DMC1: variants seen among roughly 807,000 people sequenced by gnomAD.
The protein encoded by DMC1 is meiotic recombination protein DMC1 homolog.
In DMC1, 27 loss-of-function variants were observed where a neutral mutation model predicts 50.1. The ratio of observed to expected loss-of-function variants is 0.54; its 90% CI spans 0.40 to 0.74. The LOEUF is 0.74. Among genes scored for constraint, DMC1 ranks in the 30% least tolerant of loss-of-function variants. The pLI, the probability that DMC1 is intolerant of heterozygous loss-of-function variation, is 0.00. For missense variants in DMC1, 295 were observed against 420.2 expected (o/e 0.70, Z 2.60); for synonymous variants, 148 against 136.1 (o/e 1.09, Z -0.61).
chr22:38,521,840 C>G, intron 12 of DMC1, 116 bp from the exon 13 acceptor site: 1 of 803,424 alleles, frequency 1.2e-6, no homozygotes, highest in Middle Eastern at 2.6e-4. Flanking sequence ...AGTGTATATT[C>G]TAAACAAGCA....
At position 38,521,257 on chromosome 22, in the gene DMC1, T is replaced by C. The variant is rs11570432; in HGVS notation, c.953+351A>G. Among the ~76,000 whole-genome samples, 268 of 152,262 alleles carry C rather than the reference T, an allele frequency of 1.8e-3. 1 individual carries two copies. The highest frequency in any genetic ancestry group is 9.1e-3 in the South Asian group (44 of 4,822). On this transcript the variant is annotated intron_variant, in intron 13 of 13. Transcript: ENST00000216024. ...GTATTTAACACAATTTAATTGGAAT[T>C]GATGATTTCATTATCTAGGTGTATG...
intron 11 of DMC1, 108 bp from the exon 12 acceptor site, chr22:38,537,760 T>C: frequency 1.3e-6 from 1 of 760,660 alleles, no homozygotes; most frequent in Non-Finnish European, 2.3e-6. Flanking sequence ...GAATTTATTT[T>C]ATAAATAACA....
intron 2 of DMC1, 22 bp downstream of exon 2, chr22:38,568,184 T>A (rs1569173587): frequency 6.2e-7 from 1 of 1,610,470 alleles, no homozygotes; most frequent in East Asian, 2.2e-5. Flanking sequence ...TGTCTATATA[T>A]CTTTCAACAT....
rs867267644 is a variant in DMC1 at position 38,538,355 on chromosome 22, A to G, written c.715T>C (p.Leu239=). 6.2e-7 allele frequency: 1 copy of G among 1,614,054 alleles called. No individual in the cohort carries two copies. Among genetic ancestry groups the G allele is most frequent in the Non-Finnish European group, 8.5e-7 (1 of 1,180,016 alleles). ...FRVDFSGRGE[L]AERQQKLAQM... ...GCCAATTTTTGCTGCCGTTCGGCCA[A>G]CTCCCCACGGCCACTGAAATCCACT... Residue 239 remains leucine, a synonymous_variant, in exon 11 of 14, where the codon TTG becomes CTG. Coordinates refer to ENST00000216024, the MANE Select transcript of DMC1 (RefSeq NM_007068.4).
At chr22:38,550,461 G>C (rs2090391712) in intron 7 of DMC1, among the ~76,000 whole-genome samples, 2 of 150,582 alleles carry the variant, frequency 1.3e-5, no homozygotes, top group Admixed American at 6.6e-5. Flanking sequence ...CTACAGGCAG[G>C]CACTGCCACA....
intron 6 of DMC1, among the ~76,000 whole-genome samples, chr22:38,554,224 A>G (rs554740317): frequency 7.2e-5 from 11 of 152,116 alleles, no homozygotes; most frequent in Non-Finnish European, 1.3e-4. Flanking sequence ...CTTAAAGGGG[A>G]GCTGAAGTAG....
At chr22:38,549,074 G>C (rs1276559911) in intron 8 of DMC1, among the ~76,000 whole-genome samples, 4 of 151,888 alleles carry the variant, frequency 2.6e-5, no homozygotes, top group Non-Finnish European at 5.9e-5. Context: ...ATTCTTACCA[G>C]TTCCAACCTA....
chr22:38,568,530 G>A, intron 1 of DMC1: 1 of 505,878 alleles, frequency 2.0e-6, no homozygotes, highest in Non-Finnish European at 3.5e-6. Flanking sequence ...ATTGGGGGGT[G>A]CTTATTTAGT....
At chr22:38,518,420 GTTTA>G (rs2089991035), downstream of DMC1, among the ~76,000 whole-genome samples, 1 of 152,168 alleles carries the variant, frequency 6.6e-6, no homozygotes, top group South Asian at 2.1e-4. Flanking sequence ...CATTTTCCTT[GTTTA>G]TTCTTTAGCG....
At chr22:38,534,090 A>T (rs1348889469) in intron 12 of DMC1, among the ~76,000 whole-genome samples, 1 of 152,236 alleles carries the variant, frequency 6.6e-6, no homozygotes, top group Non-Finnish European at 1.5e-5. Context: ...TTCTGATTAA[A>T]GGAGACTAAA....
At chr22:38,562,798 C>G (rs935989687) in intron 4 of DMC1, among the ~76,000 whole-genome samples, 1 of 151,744 alleles carries the variant, frequency 6.6e-6, no homozygotes, top group African/African-American at 2.4e-5. Flanking sequence ...TACATATATA[C>G]ACATATACAT....
Position 38,521,571 on chromosome 22 carries a change from ACACACACACACACACAC to A in DMC1, c.953+20_953+36del. The A allele has an allele frequency of 8.1e-7, 1 of 1,230,172 alleles. No individual in the cohort carries two copies. Among genetic ancestry groups the A allele is most frequent in the Middle Eastern group, 2.0e-4 (1 of 4,954 alleles). The allele number at this position is 1,230,172 out of a possible 1,614,324, so 76.2% of individuals were successfully genotyped here. ...CACACACACACACACACACACACACACACACACACACACACACAAAATAAAAAAAAATTTACCTGTCA... is the reference window on the plus strand; with the variant it reads ...CACACACACACACACACACACACACAAAAATAAAAAAAAATTTACCTGTCA... On this transcript the variant is annotated intron_variant, in intron 13 of 13. Coordinates refer to ENST00000216024, the MANE Select transcript of DMC1 (RefSeq NM_007068.4).
chr22:38,522,248 G>A (rs1261485636), intron 12 of DMC1, among the ~76,000 whole-genome samples: 1 of 149,920 alleles, frequency 6.7e-6, no homozygotes, highest in East Asian at 2.1e-4. Flanking sequence ...ACTGTGCCCA[G>A]CCTGACTTTA....
downstream of DMC1, among the ~76,000 whole-genome samples, chr22:38,516,829 CTTTA>C (rs1428129884): frequency 6.6e-6 from 1 of 151,958 alleles, no homozygotes; most frequent in Non-Finnish European, 1.5e-5. Flanking sequence ...TTTTCTTTTT[CTTTA>C]TTTTTCTTTT....
chr22:38,517,919 C>G (rs1374315370), downstream of DMC1, among the ~76,000 whole-genome samples: 2 of 152,052 alleles, frequency 1.3e-5, no homozygotes. Context: ...ATCCCAGCTC[C>G]TATACCTTTG....
intron 12 of DMC1, among the ~76,000 whole-genome samples, chr22:38,534,865 G>T (rs1475528926): frequency 6.7e-6 from 1 of 149,052 alleles, no homozygotes; most frequent in Admixed American, 6.7e-5. Flanking sequence ...ATTAGCCAGG[G>T]GTGGTTGGCA....
At chr22:38,567,969 C>A (rs1479197741) in intron 2 of DMC1, among the ~76,000 whole-genome samples, 1 of 152,240 alleles carries the variant, frequency 6.6e-6, no homozygotes, top group Non-Finnish European at 1.5e-5. Context: ...CTATTCGGTA[C>A]CCGTGTGTGT....
chr22:38,557,713 A>G (rs2090481991), intron 5 of DMC1, among the ~76,000 whole-genome samples: 1 of 152,122 alleles, frequency 6.6e-6, no homozygotes, highest in Non-Finnish European at 1.5e-5. Context: ...TAACCTGTGC[A>G]TATTTGCTAT....
intron 12 of DMC1, among the ~76,000 whole-genome samples, chr22:38,528,186 C>T (rs2090115178): frequency 6.6e-6 from 1 of 151,550 alleles, no homozygotes; most frequent in Non-Finnish European, 1.5e-5. Flanking sequence ...CTCAGCCTCC[C>T]GAGTAGCTGG....
Sources: allele counts gnomAD v4.1 joint callset (sites outside exome capture counted in the v4.1 genomes callset), GRCh38; gene constraint gnomAD v4.1.1; transcripts MANE v1.5; gene names NCBI Gene and HGNC (gene_info 2026-07-23, HGNC 2026-07-21).